Variants in WDFY1 observed in about 807,000 individuals in gnomAD.
WDFY1 encodes WD repeat and FYVE domain-containing protein 1.
In WDFY1, 32 loss-of-function variants were observed where a neutral mutation model predicts 56.4. The observed-to-expected ratio is 0.57, with a 90% CI of 0.43 to 0.76. The LOEUF (loss-of-function observed/expected upper bound fraction) is 0.76. Ranked by LOEUF, WDFY1 falls within the 30% of genes least tolerant of loss-of-function variation. The probability of loss-of-function intolerance (pLI) is 0.00; values close to 1 mark genes in which losing one functional copy is unlikely to be tolerated. For missense variants in WDFY1, 480 were observed against 545.7 expected (o/e 0.88, Z 1.20); for synonymous variants, 192 against 197.3 (o/e 0.97, Z 0.23).
rs1396490461 is a variant in WDFY1, at chr2:223,897,383, TATA to T, written c.598+1572_598+1574del. ...ATATATATATATATATATATATATA[TATA>T]TATATTTTTTAAGACGGAGTCTCTC... On this transcript the variant is annotated intron_variant, in intron 6 of 11. Coordinates refer to ENST00000233055, the MANE Select transcript of WDFY1 (RefSeq NM_020830.5). 1.0e-3 allele frequency among the ~76,000 whole-genome samples: 74 copies of T among 74,300 alleles called. 2 individuals carry two copies. The highest frequency in any genetic ancestry group is 4.6e-3 in the African/African-American group (60 of 13,006). The allele number at this position is 74,300 out of a possible 152,430, so 48.7% of individuals were successfully genotyped here. A position where few individuals can be genotyped will look rare whatever the true frequency, so the allele number is the denominator to read the frequency against.
In WDFY1 at chr2:223,901,213, T is replaced by C. The variant is rs1693502328; in HGVS notation, c.455A>G (p.His152Arg). ...CTRSGNMLGR[H>R]FFTSWASCLQ... is the part of the protein sequence containing the mutation. Reference sequence around the variant, plus strand: ...ACACGAAGCCCAGGACGTGAAGAAGTGCCTCCCGAGCATGTTCCCGCTCCG... The same window carrying C: ...ACACGAAGCCCAGGACGTGAAGAAGCGCCTCCCGAGCATGTTCCCGCTCCG... Residue 152 changes from histidine to arginine, a missense_variant, in exon 5 of 12, where the codon CAC (histidine) becomes CGC (arginine). Transcript: ENST00000233055. 2 of 1,614,096 alleles carry C rather than the reference T, an allele frequency of 1.2e-6. No homozygotes were observed. The highest frequency in any genetic ancestry group is 1.7e-6 in the Non-Finnish European group (2 of 1,179,998).
At position 223,905,956 on chromosome 2, in the gene WDFY1, T is replaced by C. The variant is rs746500474; in HGVS notation, c.325A>G (p.Thr109Ala). Residue 109 changes from threonine to alanine, a missense_variant, in exon 4 of 12, where the codon ACC becomes GCC. Coordinates refer to ENST00000233055, the MANE Select transcript of WDFY1 (RefSeq NM_020830.5). Reference protein sequence around the residue: ...EDFNKMNFIKTYPAHQNRVSA... With the variant: ...EDFNKMNFIKAYPAHQNRVSA... ...TGTGTATTATAATTACCTGGGTAGG[T>C]CTTGATAAAGTTCATTTTATTAAAA... 24 of 1,576,318 alleles carry C rather than the reference T, an allele frequency of 1.5e-5. No individual in the cohort carries two copies. Among genetic ancestry groups the C allele is most frequent in the Non-Finnish European group, 2.1e-5 (24 of 1,163,722 alleles).
intron 11 of WDFY1, among the ~76,000 whole-genome samples, chr2:223,879,057 C>T (rs1275192882): frequency 6.6e-6 from 1 of 152,112 alleles, no homozygotes; most frequent in Non-Finnish European, 1.5e-5. Context: ...TGTGGTGGCA[C>T]ATGCCTGTGG....
chr2:223,934,081 CTTTTTTTTTTTTTTTT>C (rs201021204), intron 1 of WDFY1, among the ~76,000 whole-genome samples: 1 of 136,168 alleles, frequency 7.3e-6, no homozygotes, highest in South Asian at 2.2e-4. Context: ...TTTTTCTTTT[CTTTTTTTTTTTTTTTT>C]TTTTTTTGAG....
intron 3 of WDFY1, among the ~76,000 whole-genome samples, chr2:223,909,879 G>A (rs545018760): frequency 6.6e-6 from 1 of 152,106 alleles, no homozygotes. Context: ...AGTAGCTAGG[G>A]TGATCTTCGA....
At chr2:223,895,777 G>A (rs597349) in intron 6 of WDFY1, 147 bp from the exon 7 acceptor site, 960,196 of 1,014,202 alleles carry the variant, frequency 0.95, 455,438 homozygotes, top group South Asian at 0.97. Flanking sequence ...GGTGTACAAC[G>A]GGTCATTCAA....
chr2:223,932,117 C>CTTTTTT (rs35246074), intron 1 of WDFY1, among the ~76,000 whole-genome samples: 17 of 94,024 alleles, frequency 1.8e-4, no homozygotes, highest in Admixed American at 2.8e-4. Context: ...GTATGAGTAC[C>CTTTTTT]TTTTTTTTTT....
chr2:223,929,164 CT>C (rs1553538007), intron 1 of WDFY1, among the ~76,000 whole-genome samples: 1,777 of 127,702 alleles, frequency 0.014, 31 homozygotes, highest in African/African-American at 0.049. Context: ...TGTCTAACTT[CT>C]TTTTTTTTTT....
intron 11 of WDFY1, among the ~76,000 whole-genome samples, chr2:223,879,288 G>T (rs902908179): frequency 6.6e-6 from 1 of 152,132 alleles, no homozygotes; most frequent in African/African-American, 2.4e-5. Flanking sequence ...TCATAATAAT[G>T]TTTTAGTATA....
intron 6 of WDFY1, among the ~76,000 whole-genome samples, chr2:223,897,946 C>T (rs13001654): frequency 0.093 from 14,153 of 152,092 alleles, 762 homozygotes; most frequent in Non-Finnish European, 0.13. Context: ...AGAAGCATGC[C>T]GGCACCATGC....
intron 5 of WDFY1, 157 bp from the exon 6 acceptor site, chr2:223,899,227 C>T: frequency 1.8e-6 from 1 of 558,342 alleles, no homozygotes; most frequent in Admixed American, 3.1e-5. Flanking sequence ...AAAGGAAACA[C>T]CCAACTGAAA....
In WDFY1 at chr2:223,904,343, C is replaced by G. The variant is rs555043323; in HGVS notation, c.334+1604G>C. On this transcript the variant is annotated intron_variant, in intron 4 of 11. Transcript: ENST00000233055. ...TTTGGTTCCCTGCAACCTCCGCCTC[C>G]CGGGTTCAAGCGATTCTCCTGCCTC... Among the ~76,000 whole-genome samples, 32 of 152,316 alleles carry G rather than the reference C, an allele frequency of 2.1e-4. No individual in the cohort carries two copies. The South Asian group carries it at 6.6e-3, about 32-fold the overall frequency.
chr2:223,884,997 AC>A (rs1374537110), intron 8 of WDFY1, among the ~76,000 whole-genome samples: 2 of 149,370 alleles, frequency 1.3e-5, no homozygotes, highest in Non-Finnish European at 3.0e-5. Context: ...ATGCACTACC[AC>A]TCCAGGCTAA....
intron 1 of WDFY1, among the ~76,000 whole-genome samples, chr2:223,920,375 T>C (rs888855030): frequency 2.0e-5 from 3 of 152,188 alleles, no homozygotes; most frequent in African/African-American, 7.2e-5. Context: ...TGTTCCCTGG[T>C]GGCCAAAACA....
At chr2:223,925,318 A>G (rs1371952234) in intron 1 of WDFY1, among the ~76,000 whole-genome samples, 1 of 152,190 alleles carries the variant, frequency 6.6e-6, no homozygotes, top group Admixed American at 6.5e-5. Flanking sequence ...GAGTCACACA[A>G]ATTTTTGGTT....
intron 3 of WDFY1, 112 bp from the exon 4 acceptor site, chr2:223,906,113 A>G: frequency 1.3e-6 from 1 of 760,818 alleles, no homozygotes; most frequent in Middle Eastern, 3.9e-4. Flanking sequence ...CACAAGACCT[A>G]GGACTTAAGG....
Position 223,925,307 on chromosome 2 carries a change from T to A in WDFY1, c.138-7297A>T, listed in dbSNP as rs563654922. Among the ~76,000 whole-genome samples the A allele has an allele frequency of 9.2e-5, 14 of 152,062 alleles. No homozygotes were observed. In the South Asian group the frequency reaches 1.5e-3, roughly 16 times the overall value. ...CAATAAAGCAAATGTCGCAACAAAG[T>A]GAGTCACACAAATTTTTGGTTTCCC... is the stretch of plus-strand genomic sequence containing the variant. On this transcript the variant is annotated intron_variant, in intron 1 of 11. Transcript: ENST00000233055.
Position 223,898,948 on chromosome 2 carries a change from T to C in WDFY1, c.598+10A>G, listed in dbSNP as rs770412094. ...GGCAAAAAAAACTCTTGGGTGATAA[T>C]ATAGCCTACCTTCATGTCCTTTGAG... On this transcript the variant is annotated intron_variant, in intron 6 of 11. Transcript: ENST00000233055. 11 of 1,612,474 alleles carry C rather than the reference T, an allele frequency of 6.8e-6. No homozygotes were observed. In the African/African-American group the frequency reaches 1.3e-4, roughly 20 times the overall value.
At chr2:223,903,045 G>A (rs112958062) in intron 4 of WDFY1, among the ~76,000 whole-genome samples, 2 of 152,174 alleles carry the variant, frequency 1.3e-5, no homozygotes, top group African/African-American at 4.8e-5. Flanking sequence ...AAAGTATGGT[G>A]AGATACAGTC....
Sources: gnomAD v4.1 joint callset for allele counts (sites outside exome capture counted in the v4.1 genomes callset) on GRCh38, gnomAD v4.1.1 for gene constraint, MANE v1.5 for transcripts, NCBI Gene and HGNC (gene_info 2026-07-23, HGNC 2026-07-21) for gene names.